The following BIN3 variants were observed in gnomAD, a reference collection of about 807,000 sequenced individuals.
BIN3 encodes bridging integrator 3.
In BIN3, 41 loss-of-function variants were observed where a neutral mutation model predicts 38.2. The observed-to-expected ratio is 1.07, with a 90% CI of 0.84 to 1.39. BIN3 has a LOEUF of 1.39. BIN3 is among the 40% of genes most tolerant of loss of function. The pLI, the probability that BIN3 is intolerant of heterozygous loss-of-function variation, is 0.00. For missense variants in BIN3, 361 were observed against 324.3 expected, an observed-to-expected ratio of 1.11 and a Z score of -0.87; for synonymous variants, 145 against 122.6, an observed-to-expected ratio of 1.18 and a Z score of -1.21.
At chr8:22,666,531 G>A (rs1169163741) in intron 1 of BIN3, among the ~76,000 whole-genome samples, 7 of 152,152 alleles carry the variant, frequency 4.6e-5, no homozygotes, top group Admixed American at 1.3e-4. Context: ...ACAGACCACC[G>A]GGTCACTTTT....
chr8:22,649,024 A>C (rs1419994225), intron 1 of BIN3, among the ~76,000 whole-genome samples: 4 of 152,180 alleles, frequency 2.6e-5, no homozygotes, highest in African/African-American at 9.7e-5. Flanking sequence ...CAGCCCTAGA[A>C]TCAGTGGAGG....
chr8:22,650,741 C>G (rs147991955), intron 1 of BIN3, among the ~76,000 whole-genome samples: 2 of 152,154 alleles, frequency 1.3e-5, no homozygotes, highest in Middle Eastern at 3.2e-3. Context: ...ACCTCTAGAT[C>G]GTTAGGTTTT....
chr8:22,640,820 T>C (rs1802525037), intron 2 of BIN3, among the ~76,000 whole-genome samples: 1 of 151,884 alleles, frequency 6.6e-6, no homozygotes, highest in Non-Finnish European at 1.5e-5. Flanking sequence ...GCTAGGTTGA[T>C]CATCCTGGAA....
At position 22,629,949 on chromosome 8, in the gene BIN3, G is replaced by A. The variant is rs1162003729; in HGVS notation, c.338+15C>T. On this transcript the variant is annotated intron_variant, in intron 6 of 8. Coordinates refer to ENST00000276416, the MANE Select transcript of BIN3 (RefSeq NM_018688.6). Reference sequence around the variant, plus strand: ...CCCATAAGTGCCCCGAGGCCCCCAGGTGACATTTACTCACTTTTTTAAGGG... The same window carrying A: ...CCCATAAGTGCCCCGAGGCCCCCAGATGACATTTACTCACTTTTTTAAGGG... 2 of 1,602,076 alleles carry A rather than the reference G, an allele frequency of 1.2e-6. No homozygotes were observed. The highest frequency in any genetic ancestry group is 1.7e-6 in the Non-Finnish European group (2 of 1,173,386).
rs748787914 is a variant in BIN3 at position 22,624,358 on chromosome 8, C to G, written c.344G>C (p.Gly115Ala). Residue 115 changes from glycine (G) to alanine (A), a missense_variant, in exon 7 of 9, where the codon GGC becomes GCC. Gly to Ala is a moderately conservative substitution (Grantham distance 60). Transcript: ENST00000276416. ...KTVIEPLKKF[G>A]SVFPSLNMAV... ...CATGTTGAGGCTCGGGAAGACACTG[C>G]CGAACCTGTGGGACAAGCTGGCTGG... 1.2e-6 allele frequency: 2 copies of G among 1,612,056 alleles called. No individual in the cohort carries two copies. The highest frequency in any genetic ancestry group is 2.2e-5 in the South Asian group (2 of 90,814).
intron 6 of BIN3, among the ~76,000 whole-genome samples, chr8:22,627,775 C>T (rs1563946656): frequency 6.6e-6 from 1 of 152,230 alleles, no homozygotes; most frequent in Non-Finnish European, 1.5e-5. Flanking sequence ...AAACAGCCTC[C>T]GAGGCCAGGT....
intron 1 of BIN3, among the ~76,000 whole-genome samples, chr8:22,653,589 C>G (rs1187870592): frequency 2.0e-5 from 3 of 152,154 alleles, no homozygotes. Context: ...ACAGTTAAAA[C>G]AGTATACTCC....
chr8:22,656,220 A>AG (rs1237099437), intron 1 of BIN3, among the ~76,000 whole-genome samples: 13 of 113,272 alleles, frequency 1.1e-4, no homozygotes, highest in African/African-American at 4.6e-4. Flanking sequence ...CTTGGTCTTA[A>AG]GGGTTTTTTT....
intron 1 of BIN3, among the ~76,000 whole-genome samples, chr8:22,646,000 T>C (rs1251784915): frequency 6.6e-6 from 1 of 152,216 alleles, no homozygotes. Flanking sequence ...AGGAGGATCA[T>C]GGGTCTAGGA....
intron 1 of BIN3, among the ~76,000 whole-genome samples, chr8:22,664,574 C>A (rs1803351346): frequency 6.6e-6 from 1 of 152,258 alleles, no homozygotes; most frequent in Non-Finnish European, 1.5e-5. Flanking sequence ...TGATTCACTA[C>A]CAACCTGCTA....
intron 2 of BIN3, among the ~76,000 whole-genome samples, chr8:22,641,538 G>A (rs891023292): frequency 2.0e-5 from 3 of 152,330 alleles, no homozygotes; most frequent in Admixed American, 1.3e-4. Context: ...AGTCTGAGAA[G>A]CCCAGAATCC....
At chr8:22,642,284 G>A (rs1434529429) in intron 2 of BIN3, among the ~76,000 whole-genome samples, 2 of 149,922 alleles carry the variant, frequency 1.3e-5, no homozygotes, top group Admixed American at 6.7e-5. Flanking sequence ...TTCAAGGGCA[G>A]CTGCCAGAGA....
chr8:22,667,516 G>C (rs1803459958), intron 1 of BIN3, among the ~76,000 whole-genome samples: 1 of 152,132 alleles, frequency 6.6e-6, no homozygotes, highest in Non-Finnish European at 1.5e-5. Flanking sequence ...GATTCAAGAC[G>C]CAGCAGCCAA....
chr8:22,668,665 T>C (rs943741336), intron 1 of BIN3, among the ~76,000 whole-genome samples: 2 of 152,198 alleles, frequency 1.3e-5, no homozygotes, highest in Non-Finnish European at 1.5e-5. Flanking sequence ...GCCACAGCTC[T>C]GGAGGGACTG....
At chr8:22,648,394 G>A (rs925162142) in intron 1 of BIN3, among the ~76,000 whole-genome samples, 1 of 151,790 alleles carries the variant, frequency 6.6e-6, no homozygotes, top group Non-Finnish European at 1.5e-5. Context: ...GCTCCGCTTG[G>A]CTGTGACAGT....
At chr8:22,642,770 G>A (rs1802603608) in intron 2 of BIN3, among the ~76,000 whole-genome samples, 2 of 152,224 alleles carry the variant, frequency 1.3e-5, no homozygotes. Flanking sequence ...GCATGTGGCA[G>A]GGCCAGGATG....
At chr8:22,648,894 C>CGTAT (rs56065322) in intron 1 of BIN3, among the ~76,000 whole-genome samples, 62,186 of 147,064 alleles carry the variant, frequency 0.42, 13,399 homozygotes, top group Non-Finnish European at 0.46. Flanking sequence ...TCCACATCAA[C>CGTAT]GTATGTATGT....
intron 1 of BIN3, among the ~76,000 whole-genome samples, chr8:22,646,989 C>G (rs1802734339): frequency 6.6e-6 from 1 of 152,230 alleles, no homozygotes; most frequent in African/African-American, 2.4e-5. Flanking sequence ...CATGCTGCAG[C>G]TGAAAGCGCT....
At chr8:22,660,168 G>A (rs1803188477) in intron 1 of BIN3, among the ~76,000 whole-genome samples, 8 of 152,354 alleles carry the variant, frequency 5.3e-5, no homozygotes, top group South Asian at 4.1e-4. Flanking sequence ...AGAGAGGAAG[G>A]CAGGCAACTC....
Sources: gnomAD v4.1 joint callset for allele counts (sites outside exome capture counted in the v4.1 genomes callset) on GRCh38, gnomAD v4.1.1 for gene constraint, MANE v1.5 for transcripts, NCBI Gene and HGNC (gene_info 2026-07-23, HGNC 2026-07-21) for gene names.